The following CLIP4 variants were observed in gnomAD, a reference collection of about 807,000 sequenced individuals.
CLIP4 encodes CAP-Gly domain-containing linker protein 4.
Under a neutral mutation model 73.1 loss-of-function variants are expected in CLIP4, and 47 were observed. The observed-to-expected ratio is 0.64, with a 90% CI of 0.51 to 0.82. The LOEUF is 0.82. Among genes scored for constraint, CLIP4 ranks in the 40% least tolerant of loss-of-function variants. CLIP4 has a pLI of 0.00. For synonymous variants in CLIP4, 306 were observed against 295.4 expected (o/e 1.04, Z -0.37); for missense variants, 874 against 852.9 (o/e 1.02, Z -0.31).
At chr2:29,148,199 G>A (rs1040239726) in intron 8 of CLIP4, among the ~76,000 whole-genome samples, 4 of 152,168 alleles carry the variant, frequency 2.6e-5, no homozygotes, top group African/African-American at 4.8e-5. Flanking sequence ...CCCAGGTCAC[G>A]GCTAAGCTAC....
chr2:29,126,635 A>C (rs1371141984), intron 2 of CLIP4, among the ~76,000 whole-genome samples: 2 of 152,222 alleles, frequency 1.3e-5, no homozygotes, highest in Non-Finnish European at 2.9e-5. Context: ...GAGCATCTTG[A>C]GATGCTGAAA....
intron 8 of CLIP4, among the ~76,000 whole-genome samples, chr2:29,150,767 G>A (rs1666508456): frequency 6.8e-6 from 1 of 146,670 alleles, no homozygotes; most frequent in African/African-American, 2.5e-5. Flanking sequence ...TTACAGGCAC[G>A]CACCACCGTG....
intron 7 of CLIP4, among the ~76,000 whole-genome samples, chr2:29,144,758 T>C (rs1666029394): frequency 6.6e-6 from 1 of 151,432 alleles, no homozygotes; most frequent in Non-Finnish European, 1.5e-5. Context: ...GAACAGGGAA[T>C]TCCTGCTTGG....
intron 8 of CLIP4, among the ~76,000 whole-genome samples, chr2:29,151,606 A>G (rs974502201): frequency 6.6e-6 from 1 of 152,182 alleles, no homozygotes; most frequent in Non-Finnish European, 1.5e-5. Flanking sequence ...GCAGGAAAGT[A>G]GTGTAGTTGG....
At chr2:29,132,906 G>T (rs1665078519) in intron 4 of CLIP4, among the ~76,000 whole-genome samples, 1 of 152,146 alleles carries the variant, frequency 6.6e-6, no homozygotes, top group African/African-American at 2.4e-5. Context: ...GCATAAAACT[G>T]GCCAGGCATG....
At chr2:29,099,792 C>T (rs995465327) in intron 1 of CLIP4, among the ~76,000 whole-genome samples, 4 of 152,194 alleles carry the variant, frequency 2.6e-5, no homozygotes, top group Non-Finnish European at 5.9e-5. Flanking sequence ...GAAGAACTGT[C>T]ATTTTGACAT....
intron 2 of CLIP4, among the ~76,000 whole-genome samples, chr2:29,128,638 A>G (rs1003183927): frequency 6.6e-6 from 1 of 152,146 alleles, no homozygotes; most frequent in Non-Finnish European, 1.5e-5. Flanking sequence ...TAGTCGTTTT[A>G]ACAGGAGCTG....
In CLIP4 at chr2:29,152,681, T is replaced by G. The variant is rs376102596; in HGVS notation, c.1022-4T>G. Reference sequence around the variant, plus strand: ...TAACACTAAAATTCTGCATTCTCCCTTAGGTATTTTTGCACCTCTTTCAAA... The same window carrying G: ...TAACACTAAAATTCTGCATTCTCCCGTAGGTATTTTTGCACCTCTTTCAAA... On this transcript the variant is annotated splice_region_variant and splice_polypyrimidine_tract_variant and intron_variant, in intron 8 of 15. Transcript: ENST00000320081. 1.2e-6 allele frequency: 2 copies of G among 1,612,560 alleles called. No individual in the cohort carries two copies. Among genetic ancestry groups the G allele is most frequent in the Non-Finnish European group, 1.7e-6 (2 of 1,179,380 alleles).
intron 1 of CLIP4, among the ~76,000 whole-genome samples, chr2:29,100,060 T>G (rs545689370): frequency 2.0e-5 from 3 of 152,270 alleles, no homozygotes; most frequent in East Asian, 1.9e-4. Context: ...TTTAATCTGT[T>G]TATTTATTTT....
intron 2 of CLIP4, among the ~76,000 whole-genome samples, chr2:29,128,187 GTTT>G (rs70958244): frequency 1.7e-4 from 23 of 138,422 alleles, no homozygotes; most frequent in African/African-American, 2.9e-4. Flanking sequence ...TAATGTCTGT[GTTT>G]TTTTTTTTTT....
At chr2:29,097,904 A>C (rs999879044) in exon 1 of CLIP4, 6 of 152,204 alleles carry the variant, frequency 3.9e-5, no homozygotes, top group African/African-American at 1.4e-4. Context: ...GGGACTGAAA[A>C]TTCTTTTTCT....
At chr2:29,172,703 A>C (rs192074215) in intron 14 of CLIP4, among the ~76,000 whole-genome samples, 1 of 151,926 alleles carries the variant, frequency 6.6e-6, no homozygotes, top group South Asian at 2.1e-4. Flanking sequence ...GTTTAGTAGT[A>C]TGTTGGACCT....
At chr2:29,167,870 T>A (rs956606694) in intron 14 of CLIP4, 3 of 187,510 alleles carry the variant, frequency 1.6e-5, no homozygotes, top group Non-Finnish European at 3.3e-5. Context: ...ATAAATAATA[T>A]GTGTTCAGTT....
In CLIP4 at chr2:29,144,798, C is replaced by CTTTTTT. The variant is rs34304199; in HGVS notation, c.886-416_886-411dup. 9.3e-4 allele frequency among the ~76,000 whole-genome samples: 78 copies of CTTTTTT among 84,298 alleles called. 2 individuals are homozygous for CTTTTTT. Among genetic ancestry groups the CTTTTTT allele is most frequent in the African/African-American group, 3.7e-3 (72 of 19,578 alleles). 55.3% of individuals were successfully genotyped at this position (84,298 alleles called of 152,430 possible). On this transcript the variant is annotated intron_variant, in intron 7 of 15. Transcript: ENST00000320081. Reference sequence around the variant, plus strand: ...TGAGTTTCCCAACATAGTTATATCCCTTTTTTTTTTTTTTTTTTTTTTTGA... The same window carrying CTTTTTT: ...TGAGTTTCCCAACATAGTTATATCCCTTTTTTTTTTTTTTTTTTTTTTTTTTTTTGA...
chr2:29,165,975 C>CAAA (rs35611841), intron 13 of CLIP4, among the ~76,000 whole-genome samples: 21 of 146,258 alleles, frequency 1.4e-4, no homozygotes, highest in Admixed American at 8.2e-4. Context: ...CCCTCTTCTT[C>CAAA]AAAAAAAAAA....
Position 29,174,594 on chromosome 2 carries a change from C to T in CLIP4, c.1796+149C>T, listed in dbSNP as rs879100809. The T allele has an allele frequency of 9.5e-6, 13 of 1,363,694 alleles. No individual in the cohort carries two copies. In the Admixed American group the frequency reaches 1.0e-4, roughly 11 times the overall value. The allele number at this position is 1,363,694 out of a possible 1,614,324, so 84.5% of individuals were successfully genotyped here. A position where few individuals can be genotyped will look rare whatever the true frequency, so the allele number is the denominator to read the frequency against. On this transcript the variant is annotated intron_variant, in intron 15 of 15. Transcript: ENST00000320081. Reference sequence around the variant, plus strand: ...AAGGTGTGATAAGTGTATTGAGAAGCGTTCTTCCTCCCTCCTTTGCAAGCG... The same window carrying T: ...AAGGTGTGATAAGTGTATTGAGAAGTGTTCTTCCTCCCTCCTTTGCAAGCG...
At chr2:29,171,086 T>C (rs1667972125) in intron 14 of CLIP4, among the ~76,000 whole-genome samples, 1 of 152,226 alleles carries the variant, frequency 6.6e-6, no homozygotes, top group African/African-American at 2.4e-5. Context: ...TTCTAGGCCT[T>C]TCACCTGTGT....
chr2:29,159,674 C>A (rs1327171111), intron 11 of CLIP4, among the ~76,000 whole-genome samples: 2 of 121,146 alleles, frequency 1.7e-5, no homozygotes, highest in Non-Finnish European at 3.3e-5. Flanking sequence ...CAGCAAGACC[C>A]TGTTTCTTTA....
intron 1 of CLIP4, among the ~76,000 whole-genome samples, chr2:29,116,995 C>G (rs1186527150): frequency 6.6e-6 from 1 of 152,222 alleles, no homozygotes; most frequent in Non-Finnish European, 1.5e-5. Context: ...CTCTTTCTCC[C>G]TGTTCAAACC....
Sources: gnomAD v4.1 joint callset for allele counts (sites outside exome capture counted in the v4.1 genomes callset) on GRCh38, gnomAD v4.1.1 for gene constraint, MANE v1.5 for transcripts, NCBI Gene and HGNC (gene_info 2026-07-23, HGNC 2026-07-21) for gene names.